DHCR24: variants seen among roughly 807,000 people sequenced by gnomAD.
The protein encoded by DHCR24 is 24-dehydrocholesterol reductase, also known as delta(24)-sterol reductase.
DHCR24 carries 28 observed loss-of-function variants against 61.2 expected under a neutral mutation model. That is an observed-to-expected ratio of 0.46 (90% CI 0.34 to 0.63). DHCR24 has a LOEUF of 0.63. Among genes scored for constraint, DHCR24 ranks in the 20% least tolerant of loss-of-function variants. The probability of loss-of-function intolerance (pLI) is 0.01; values close to 1 mark genes in which losing one functional copy is unlikely to be tolerated. For missense variants in DHCR24, 538 were observed against 679.1 expected, an observed-to-expected ratio of 0.79 and a Z score of 2.31; for synonymous variants, 261 against 275.9, an observed-to-expected ratio of 0.95 and a Z score of 0.54.
In DHCR24 at chr1:54,850,070, A is replaced by C. The variant is rs10299; in HGVS notation, c.*2163T>G. On this transcript the variant is annotated 3_prime_UTR_variant, in exon 9 of 9. Transcript: ENST00000371269. ...ATGAACTCAGCTCACCATGCTAAGA[A>C]GACTGCCTCTTTCCAGGCAAGATTT... 1 of 152,262 alleles carries C rather than the reference A, an allele frequency of 6.6e-6. No homozygotes were observed. The highest frequency in any genetic ancestry group is 2.4e-5 in the African/African-American group (1 of 41,450). 9.4% of individuals were successfully genotyped at this position (152,262 alleles called of 1,614,324 possible).
rs1312525020 is a variant in DHCR24 at position 54,865,378 on chromosome 1, G to A, written c.945C>T (p.Asn315=). 6.2e-7 allele frequency: 1 copy of A among 1,614,086 alleles called. No individual in the cohort carries two copies. The highest frequency in any genetic ancestry group is 8.5e-7 in the Non-Finnish European group (1 of 1,180,056). The change falls in exon 6 of 9, where the codon AAC becomes AAT. Residue 315 remains asparagine (N), a synonymous_variant. Coordinates refer to ENST00000371269, the MANE Select transcript of DHCR24 (RefSeq NM_014762.4). ...FKHVENYLKT[N]REGLEYIPLR... ...AGGGAATGTACTCCAGGCCCTCTCG[G>A]TTTGTCTTCAGATAGTTCTCCACAT...
chr1:54,883,184 G>A lies in DHCR24; in HGVS notation c.387+434C>T, dbSNP rs1647073518. Reference sequence around the variant, plus strand: ...CCTATTTCCTTTTTCCTTAAGCCAGGTTTCGAGAAGTAAAATTACTAGATG... The same window carrying A: ...CCTATTTCCTTTTTCCTTAAGCCAGATTTCGAGAAGTAAAATTACTAGATG... On this transcript the variant is annotated intron_variant, in intron 2 of 8. Coordinates refer to ENST00000371269, the MANE Select transcript of DHCR24 (RefSeq NM_014762.4). The surrounding 1 kb of genome is among the most constrained non-coding windows in gnomAD (Gnocchi z 4.3). 6.6e-6 allele frequency among the ~76,000 whole-genome samples: 1 copy of A among 152,122 alleles called. No individual in the cohort carries two copies. Among genetic ancestry groups the A allele is most frequent in the East Asian group, 1.9e-4 (1 of 5,170 alleles).
chr1:54,855,160 C>T (rs967563904), intron 6 of DHCR24, among the ~76,000 whole-genome samples: 2 of 152,010 alleles, frequency 1.3e-5, no homozygotes. Flanking sequence ...TTTGGGAGGC[C>T]GAGGCAGATG....
At chr1:54,886,618 C>T (rs1647098154) in intron 1 of DHCR24, 1 of 1,471,436 alleles carries the variant, frequency 6.8e-7, no homozygotes, top group Non-Finnish European at 9.1e-7. Flanking sequence ...TGAGAGTTAC[C>T]TGAGTGCTTC....
chr1:54,859,294 G>A (rs1048015745), intron 6 of DHCR24, among the ~76,000 whole-genome samples: 1 of 130,402 alleles, frequency 7.7e-6, no homozygotes, highest in African/African-American at 3.0e-5. Flanking sequence ...CACAGCATGA[G>A]AGTCCCTGAG....
intron 5 of DHCR24, among the ~76,000 whole-genome samples, chr1:54,868,541 A>C (rs2288316): frequency 0.022 from 3,391 of 152,324 alleles, 125 homozygotes; most frequent in East Asian, 0.12. Context: ...AAAGTAATAA[A>C]AAAATTGGAA....
At chr1:54,868,907 A>G (rs1177955134) in intron 5 of DHCR24, among the ~76,000 whole-genome samples, 1 of 152,078 alleles carries the variant, frequency 6.6e-6, no homozygotes, top group Non-Finnish European at 1.5e-5. Flanking sequence ...TCTCTACTAA[A>G]AATACCAAAA....
At chr1:54,861,103 C>T (rs1211020755) in intron 6 of DHCR24, among the ~76,000 whole-genome samples, 4 of 152,138 alleles carry the variant, frequency 2.6e-5, no homozygotes, top group African/African-American at 7.2e-5. Context: ...GTGATCTTAT[C>T]TTCCACATGT....
At chr1:54,861,759 AGT>A (rs1381773532) in intron 6 of DHCR24, among the ~76,000 whole-genome samples, 1 of 152,196 alleles carries the variant, frequency 6.6e-6, no homozygotes, top group Non-Finnish European at 1.5e-5. Context: ...TAAATTCATG[AGT>A]GTGAATCCCT....
rs115477717 is a variant in DHCR24, at chr1:54,871,983, C to T, written c.613-370G>A. 3.7e-3 allele frequency among the ~76,000 whole-genome samples: 566 copies of T among 152,238 alleles called. 2 individuals are homozygous for T. The highest frequency in any genetic ancestry group is 5.6e-3 in the Non-Finnish European group (381 of 68,008). ...AGGAGTCCAAGGCCAGGCCTTGACA[C>T]CCTTTAGTGGGTGTCAGGCAGTGTA... On this transcript the variant is annotated intron_variant, in intron 4 of 8. Transcript: ENST00000371269.
intron 4 of DHCR24, among the ~76,000 whole-genome samples, chr1:54,873,413 C>T (rs6686859): frequency 0.27 from 40,433 of 152,086 alleles, 5,622 homozygotes; most frequent in East Asian, 0.39. Flanking sequence ...ATTCACTACA[C>T]TACACTTTTA....
chr1:54,857,300 A>G (rs1570181485), intron 6 of DHCR24, among the ~76,000 whole-genome samples: 1 of 152,222 alleles, frequency 6.6e-6, no homozygotes, highest in Admixed American at 6.5e-5. Context: ...GTAGGGCCCC[A>G]TGGCAAATCT....
intron 5 of DHCR24, among the ~76,000 whole-genome samples, chr1:54,867,498 G>A (rs1425740137): frequency 6.6e-6 from 1 of 152,048 alleles, no homozygotes; most frequent in Non-Finnish European, 1.5e-5. Flanking sequence ...GTGCCTCACA[G>A]TCTTCTCCTT....
chr1:54,865,595 GGT>G, intron 5 of DHCR24, 149 bp from the exon 6 acceptor site: 2 of 1,064,614 alleles, frequency 1.9e-6, no homozygotes, highest in Admixed American at 3.8e-5. Flanking sequence ...CTTGAAAGCT[GGT>G]GAGGTTAGGC....
Position 54,852,339 on chromosome 1 carries a change from C to T in DHCR24, c.1445G>A (p.Trp482Ter). ...GTACAAGGAGCCATCAAACATCTCC[C>T]AGAACTCCTCCCGGTTCATGTAGCA... The part of the protein sequence containing the change: ...ADCYMNREEF[W>*]EMFDGSLYHK... Residue 482 changes from tryptophan (W) to a stop codon, truncating the protein, a stop_gained, in exon 9 of 9, where the codon TGG becomes TAG. Coordinates refer to ENST00000371269, the MANE Select transcript of DHCR24 (RefSeq NM_014762.4). LOFTEE classifies it high-confidence loss of function. The T allele has an allele frequency of 6.2e-7, 1 of 1,614,206 alleles. No individual in the cohort carries two copies.
intron 8 of DHCR24, 135 bp downstream of exon 8, chr1:54,853,299 A>G (rs1417773776): frequency 5.0e-5 from 58 of 1,157,570 alleles, no homozygotes; most frequent in Non-Finnish European, 7.2e-5. Context: ...AGAGGCTGCC[A>G]CAGCTGCAGG....
At chr1:54,882,265 C>T (rs913030262) in intron 2 of DHCR24, among the ~76,000 whole-genome samples, 5 of 152,106 alleles carry the variant, frequency 3.3e-5, no homozygotes, top group African/African-American at 9.7e-5. Flanking sequence ...GATCATTAGT[C>T]ACTAGGGAAA....
rs1485685793 is a variant in DHCR24, at chr1:54,851,441, C to T, written c.*792G>A. ...AATTCAGAGCGGAGACCACTCTCTCCACCTAGGTGTCCCAGGCTGAGGCTG... is the reference window on the plus strand; with the variant it reads ...AATTCAGAGCGGAGACCACTCTCTCTACCTAGGTGTCCCAGGCTGAGGCTG... On this transcript the variant is annotated 3_prime_UTR_variant, in exon 9 of 9. Coordinates refer to ENST00000371269, the MANE Select transcript of DHCR24 (RefSeq NM_014762.4). 6.5e-6 allele frequency: 1 copy of T among 152,684 alleles called. No individual in the cohort carries two copies. The highest frequency in any genetic ancestry group is 1.5e-5 in the Non-Finnish European group (1 of 68,154). The allele number at this position is 152,684 out of a possible 1,614,324, so 9.5% of individuals were successfully genotyped here.
chr1:54,860,583 T>C (rs1164499392), intron 6 of DHCR24, among the ~76,000 whole-genome samples: 2 of 152,240 alleles, frequency 1.3e-5, no homozygotes, highest in Admixed American at 6.5e-5. Flanking sequence ...ATACCTCCTC[T>C]GATAACCATG....
Sources: allele counts gnomAD v4.1 joint callset (sites outside exome capture counted in the v4.1 genomes callset), GRCh38; gene constraint gnomAD v4.1.1; non-coding constraint Gnocchi (gnomAD v3.1); transcripts MANE v1.5; gene names NCBI Gene and HGNC (gene_info 2026-07-23, HGNC 2026-07-21).